Variants in PIEZO2 observed in about 807,000 individuals in gnomAD.
PIEZO2 encodes the protein piezo type mechanosensitive ion channel component 2.
In PIEZO2, 172 loss-of-function variants were observed where a neutral mutation model predicts 337.3. The ratio of observed to expected loss-of-function variants is 0.51; its 90% CI spans 0.45 to 0.58. The LOEUF (loss-of-function observed/expected upper bound fraction) is 0.58. PIEZO2 is among the 20% of genes least tolerant of loss of function. The pLI is 0.00. For missense variants in PIEZO2, 3,028 were observed against 3,391.3 expected (o/e 0.89, Z 2.66); for synonymous variants, 1,251 against 1,228.5 (o/e 1.02, Z -0.38).
chr18:10,769,058 C>A (rs1356512648), intron 21 of PIEZO2, among the ~76,000 whole-genome samples: 1 of 152,206 alleles, frequency 6.6e-6, no homozygotes, highest in East Asian at 1.9e-4. Context: ...GGTCTCTGTG[C>A]ATTTTTTGTC....
chr18:10,757,482 A>C (rs139728732), intron 27 of PIEZO2, among the ~76,000 whole-genome samples: 4 of 29,646 alleles, frequency 1.3e-4, no homozygotes, highest in African/African-American at 3.2e-4. Flanking sequence ...TGAAGATGAA[A>C]AATGGAGGAT....
intron 3 of PIEZO2, among the ~76,000 whole-genome samples, chr18:10,971,281 C>T (rs1292645344): frequency 6.6e-6 from 1 of 152,190 alleles, no homozygotes; most frequent in African/African-American, 2.4e-5. Flanking sequence ...TCTAGAATCT[C>T]AGGGCGACAC....
chr18:10,751,832 A>G (rs1470425747), intron 28 of PIEZO2, among the ~76,000 whole-genome samples: 2 of 152,208 alleles, frequency 1.3e-5, no homozygotes, highest in Non-Finnish European at 2.9e-5. Context: ...AATTTCCCGC[A>G]GCACTAAATC....
chr18:10,720,409 GTATGTGTATGTATATATATATATA>G (rs1262521613), intron 36 of PIEZO2, among the ~76,000 whole-genome samples: 493 of 17,926 alleles, frequency 0.028, 30 homozygotes, highest in East Asian at 0.064. Context: ...GTGTGTATGT[GTATGTGTATGTATATATATATATA>G]TATATATATA....
chr18:10,692,227 T>G (rs985607467), intron 47 of PIEZO2, among the ~76,000 whole-genome samples: 1 of 152,156 alleles, frequency 6.6e-6, no homozygotes, highest in Admixed American at 6.5e-5. Flanking sequence ...CAAAGAATGA[T>G]GAGCTATAGG....
At chr18:10,734,578 T>C (rs2036922832) in intron 35 of PIEZO2, among the ~76,000 whole-genome samples, 1 of 152,236 alleles carries the variant, frequency 6.6e-6, no homozygotes, top group African/African-American at 2.4e-5. Flanking sequence ...AGAATAGGAA[T>C]TCATTATTAA....
intron 1 of PIEZO2, among the ~76,000 whole-genome samples, chr18:11,082,549 C>T (rs1222370664): frequency 6.6e-6 from 1 of 152,080 alleles, no homozygotes; most frequent in Non-Finnish European, 1.5e-5. Context: ...GATCTCCTGA[C>T]CTCGTGATCT....
chr18:11,056,040 G>A (rs999397177), intron 2 of PIEZO2, among the ~76,000 whole-genome samples: 2 of 152,144 alleles, frequency 1.3e-5, no homozygotes, highest in Non-Finnish European at 2.9e-5. Flanking sequence ...TCCCTTGCAG[G>A]GATACCTGGC....
At chr18:11,114,383 C>T (rs1338852707) in intron 1 of PIEZO2, among the ~76,000 whole-genome samples, 2 of 152,158 alleles carry the variant, frequency 1.3e-5, no homozygotes, top group South Asian at 2.1e-4. Context: ...TTAGCAGAGA[C>T]GGCCAAACGT....
rs1167612368 is a variant in PIEZO2, at chr18:10,970,000, C to T, written c.286+9535G>A. Among the ~76,000 whole-genome samples, 1 of 150,432 alleles carries T rather than the reference C, an allele frequency of 6.6e-6. No individual in the cohort carries two copies. Among genetic ancestry groups the T allele is most frequent in the African/African-American group, 2.4e-5 (1 of 40,880 alleles). On this transcript the variant is annotated intron_variant, in intron 3 of 55. Coordinates refer to ENST00000674853, the MANE Select transcript of PIEZO2 (RefSeq NM_001378183.1). The surrounding 1 kb of genome is among the most constrained non-coding windows in gnomAD (Gnocchi z 4.5). ...GCCACTGTGGTCAGTGCTCAGGTTA[C>T]AAAAAAAAATGAAACATGAGAGGTT...
rs992417261 is a variant in PIEZO2 at position 10,973,529 on chromosome 18, C to A, written c.286+6006G>T. Among the ~76,000 whole-genome samples the A allele has an allele frequency of 2.0e-5, 3 of 152,226 alleles. No homozygotes were observed. Among genetic ancestry groups the A allele is most frequent in the Non-Finnish European group, 4.4e-5 (3 of 68,038 alleles). ...AGAAGGTATATATATGATCCACATA[C>A]TTTTCAGATAAATTAGACAATGGAT... is the stretch of plus-strand genomic sequence containing the variant. On this transcript the variant is annotated intron_variant, in intron 3 of 55. Transcript: ENST00000674853. The surrounding 1 kb of genome is among the most constrained non-coding windows in gnomAD (Gnocchi z 4.9).
In PIEZO2 at chr18:10,762,538, C is replaced by T. The variant is rs1165949787; in HGVS notation, c.3211G>A (p.Gly1071Ser). 2.6e-6 allele frequency: 4 copies of T among 1,537,280 alleles called. No individual in the cohort carries two copies. The highest frequency in any genetic ancestry group is 4.9e-5 in the East Asian group (2 of 40,916). ...AGCAGAGGCGAAGACTTCCGCAGGCCGACCCACTCTGTAGGATCGATAGGA... is the reference window on the plus strand; with the variant it reads ...AGCAGAGGCGAAGACTTCCGCAGGCTGACCCACTCTGTAGGATCGATAGGA... Reference protein sequence around the residue: ...SAPIDPTEWVGLRKSSPLLVY... With the variant: ...SAPIDPTEWVSLRKSSPLLVY... Residue 1071 changes from glycine (G) to serine (S), a missense_variant, in exon 23 of 56, where the codon GGC (glycine) becomes AGC (serine). Transcript: ENST00000674853.
In PIEZO2 at chr18:10,726,829, C is replaced by T; in HGVS notation, c.5029+4578G>A. On this transcript the variant is annotated intron_variant, in intron 36 of 55. Coordinates refer to ENST00000674853, the MANE Select transcript of PIEZO2 (RefSeq NM_001378183.1). The surrounding 1 kb of genome is among the most constrained non-coding windows in gnomAD (Gnocchi z 5.9). Reference sequence around the variant, plus strand: ...GCCCCATGGGGTGCTGGATAATACCCGGATGCCCCACCTTATGCAGGACTT... The same window carrying T: ...GCCCCATGGGGTGCTGGATAATACCTGGATGCCCCACCTTATGCAGGACTT... The T allele has an allele frequency of 1.9e-6, 3 of 1,577,374 alleles. No individual in the cohort carries two copies. The highest frequency in any genetic ancestry group is 2.6e-6 in the Non-Finnish European group (3 of 1,150,490).
chr18:10,931,727 AG>A (rs1237271458), intron 3 of PIEZO2, among the ~76,000 whole-genome samples: 3 of 151,394 alleles, frequency 2.0e-5, no homozygotes, highest in Non-Finnish European at 2.9e-5. Context: ...AGAGAGAGAG[AG>A]AGAGAGAGAG....
rs550673778 is a variant in PIEZO2 at position 10,795,276 on chromosome 18, T to C, written c.1528-274A>G. On this transcript the variant is annotated intron_variant, in intron 12 of 55. Transcript: ENST00000674853. This position sits in a 1 kb window ranked among gnomAD's most constrained non-coding sequence, Gnocchi z 4.4. ...ATGAAGGATTGTGTTGTTTTTACAA[T>C]AGACTTTTTTCAGTTAAGTAGCAAA... Among the ~76,000 whole-genome samples the C allele has an allele frequency of 1.3e-5, 2 of 152,154 alleles. No homozygotes were observed. Among genetic ancestry groups the C allele is most frequent in the East Asian group, 1.9e-4 (1 of 5,202 alleles).
chr18:10,810,538 G>C (rs564948346), intron 7 of PIEZO2, among the ~76,000 whole-genome samples: 16 of 152,046 alleles, frequency 1.1e-4, no homozygotes, highest in Non-Finnish European at 2.2e-4. Context: ...CCATTTCCTG[G>C]AGAAAAGCCC....
At chr18:10,805,206 A>G (rs931926579) in intron 8 of PIEZO2, among the ~76,000 whole-genome samples, 1 of 152,220 alleles carries the variant, frequency 6.6e-6, no homozygotes, top group Non-Finnish European at 1.5e-5. Flanking sequence ...AATTTCCATA[A>G]TGTATAAGAG....
At chr18:10,754,917 T>C (rs2037776676) in intron 27 of PIEZO2, among the ~76,000 whole-genome samples, 1 of 152,140 alleles carries the variant, frequency 6.6e-6, no homozygotes, top group African/African-American at 2.4e-5. Flanking sequence ...TCCTCATCTC[T>C]ACAACAGGGA....
In PIEZO2 at chr18:11,042,426, A is replaced by C. The variant is rs565678915; in HGVS notation, c.160+23701T>G. Among the ~76,000 whole-genome samples, 21 of 152,370 alleles carry C rather than the reference A, an allele frequency of 1.4e-4. No homozygotes were observed. The East Asian group carries it at 3.9e-3, about 28-fold the overall frequency. On this transcript the variant is annotated intron_variant, in intron 2 of 55. Coordinates refer to ENST00000674853, the MANE Select transcript of PIEZO2 (RefSeq NM_001378183.1). Reference sequence around the variant, plus strand: ...ACCCTTGTGTGGCCACATTTTAGATAGCTAGTGTGGGAAGAGGAAGTTTGA... The same window carrying C: ...ACCCTTGTGTGGCCACATTTTAGATCGCTAGTGTGGGAAGAGGAAGTTTGA...
Sources: gnomAD v4.1 joint callset for allele counts (sites outside exome capture counted in the v4.1 genomes callset) on GRCh38, gnomAD v4.1.1 for gene constraint, Gnocchi (gnomAD v3.1) non-coding constraint, MANE v1.5 for transcripts, NCBI Gene and HGNC (gene_info 2026-07-23, HGNC 2026-07-21) for gene names.